SPAG16: variants seen among roughly 807,000 people sequenced by gnomAD.
SPAG16 encodes sperm associated antigen 16.
A neutral mutation model predicts 80.4 loss-of-function variants in SPAG16; 86 were observed. The observed-to-expected ratio is 1.07, with a 90% CI of 0.90 to 1.28. The LOEUF (loss-of-function observed/expected upper bound fraction) is 1.28. Ranked by LOEUF, SPAG16 falls within the 50% of genes most tolerant of loss-of-function variation. The probability of loss-of-function intolerance (pLI) is 0.00; values close to 1 mark genes in which losing one functional copy is unlikely to be tolerated. For missense variants in SPAG16, 870 were observed against 765.3 expected (o/e 1.14, Z -1.61); for synonymous variants, 294 against 265.9 (o/e 1.11, Z -1.03).
intron 10 of SPAG16, among the ~76,000 whole-genome samples, chr2:213,712,312 G>A (rs1024609033): frequency 1.3e-5 from 2 of 152,012 alleles, no homozygotes; most frequent in African/African-American, 4.8e-5. Flanking sequence ...TGAGGGCTAG[G>A]GAAATAATAT....
At chr2:214,067,556 C>A (rs1159675123) in intron 13 of SPAG16, among the ~76,000 whole-genome samples, 2 of 150,718 alleles carry the variant, frequency 1.3e-5, no homozygotes, top group Admixed American at 1.3e-4. Flanking sequence ...CTATTGCGTA[C>A]ACTTATAAAA....
chr2:213,774,924 C>T (rs2069478089), intron 10 of SPAG16, among the ~76,000 whole-genome samples: 1 of 152,154 alleles, frequency 6.6e-6, no homozygotes, highest in South Asian at 2.1e-4. Flanking sequence ...GGAGGGTTTT[C>T]TCATATCTCC....
intron 5 of SPAG16, among the ~76,000 whole-genome samples, chr2:213,331,608 C>T (rs1393536862): frequency 6.6e-6 from 1 of 152,074 alleles, no homozygotes; most frequent in Non-Finnish European, 1.5e-5. Flanking sequence ...TATTTCCATT[C>T]TCAATGATAG....
intron 12 of SPAG16, among the ~76,000 whole-genome samples, chr2:213,974,086 A>G (rs921748368): frequency 1.3e-5 from 2 of 152,120 alleles, no homozygotes; most frequent in East Asian, 1.9e-4. Flanking sequence ...ATAGGGAGAA[A>G]AAGTTTAGCT....
chr2:213,304,706 C>A (rs1459118335), intron 3 of SPAG16, among the ~76,000 whole-genome samples: 3 of 152,002 alleles, frequency 2.0e-5, no homozygotes, highest in African/African-American at 7.2e-5. Context: ...GGATGTGTTT[C>A]TGTGTGCTCT....
In SPAG16 at chr2:213,307,783, G is replaced by C. The variant is rs370060144; in HGVS notation, c.280-2276G>C. Among the ~76,000 whole-genome samples the C allele has an allele frequency of 8.6e-5, 13 of 151,936 alleles. No individual in the cohort carries two copies. In the South Asian group the frequency reaches 1.5e-3, roughly 17 times the overall value. ...CACACTGACTTCCACAATGGTTGAA[G>C]TAGTTTACAGTCCCACCAACAGTGT... On this transcript the variant is annotated intron_variant, in intron 3 of 15. Coordinates refer to ENST00000331683, the MANE Select transcript of SPAG16 (RefSeq NM_024532.5).
intron 15 of SPAG16, among the ~76,000 whole-genome samples, chr2:214,357,434 T>G (rs370141741): frequency 5.5e-4 from 83 of 151,970 alleles, no homozygotes; most frequent in African/African-American, 1.8e-3. Context: ...TTTCTTTTCA[T>G]GTATCTTCTA....
At chr2:213,524,949 CA>C (rs1280215418) in intron 10 of SPAG16, among the ~76,000 whole-genome samples, 1 of 151,998 alleles carries the variant, frequency 6.6e-6, no homozygotes, top group Non-Finnish European at 1.5e-5. Flanking sequence ...TGGGAAGGGT[CA>C]GGGGCAGAAT....
intron 15 of SPAG16, among the ~76,000 whole-genome samples, chr2:214,222,780 G>A (rs1328399291): frequency 6.6e-6 from 1 of 152,134 alleles, no homozygotes; most frequent in Non-Finnish European, 1.5e-5. Context: ...CTATCCCACT[G>A]CACTTTAAAA....
At chr2:213,697,641 C>A (rs74855792) in intron 10 of SPAG16, among the ~76,000 whole-genome samples, 1 of 152,240 alleles carries the variant, frequency 6.6e-6, no homozygotes, top group African/African-American at 2.4e-5. Context: ...TTTTGACCTA[C>A]ATAACTGTAA....
intron 12 of SPAG16, among the ~76,000 whole-genome samples, chr2:213,936,707 A>T (rs1209891423): frequency 6.6e-6 from 1 of 152,194 alleles, no homozygotes; most frequent in Non-Finnish European, 1.5e-5. Flanking sequence ...TTATACTGGG[A>T]CACTAATATA....
chr2:213,286,983 T>C (rs977154269), intron 1 of SPAG16, among the ~76,000 whole-genome samples: 3 of 152,212 alleles, frequency 2.0e-5, no homozygotes, highest in African/African-American at 7.2e-5. Context: ...CCTTTCCCTG[T>C]AATCTCCTAG....
At chr2:213,929,841 A>G (rs2078669288) in intron 11 of SPAG16, 119 bp from the exon 12 acceptor site, 1 of 823,854 alleles carries the variant, frequency 1.2e-6, no homozygotes, top group South Asian at 2.0e-5. Flanking sequence ...TAGATATGCC[A>G]CTACAAGTAA....
At chr2:213,972,313 AAG>A (rs1186679284) in intron 12 of SPAG16, among the ~76,000 whole-genome samples, 3 of 151,562 alleles carry the variant, frequency 2.0e-5, no homozygotes, top group Non-Finnish European at 4.4e-5. Flanking sequence ...AATCTATAAA[AAG>A]AGATTTATTG....
At chr2:213,608,658 G>T (rs562218422) in intron 10 of SPAG16, among the ~76,000 whole-genome samples, 1 of 152,338 alleles carries the variant, frequency 6.6e-6, no homozygotes, top group Non-Finnish European at 1.5e-5. Flanking sequence ...CTTTATAGCA[G>T]CATGATTTAT....
intron 10 of SPAG16, among the ~76,000 whole-genome samples, chr2:213,642,965 C>T (rs1163194974): frequency 1.3e-5 from 2 of 151,468 alleles, no homozygotes; most frequent in Admixed American, 6.6e-5. Flanking sequence ...TTTCCTTGCT[C>T]CTCAGCCTGC....
chr2:213,384,119 A>G (rs2067308767), intron 9 of SPAG16, among the ~76,000 whole-genome samples: 1 of 152,174 alleles, frequency 6.6e-6, no homozygotes, highest in African/African-American at 2.4e-5. Flanking sequence ...TAGAAACTAG[A>G]CTAGGGAATT....
At chr2:213,330,274 A>G (rs2064034602) in intron 5 of SPAG16, among the ~76,000 whole-genome samples, 1 of 152,224 alleles carries the variant, frequency 6.6e-6, no homozygotes, top group Non-Finnish European at 1.5e-5. Flanking sequence ...TGGAAAAGCC[A>G]CAGACACTAA....
rs1392490990 is a variant in SPAG16, at chr2:213,728,051, G to A, written c.1071-134434G>A. ...TTTAGTGGAGACGAGGTTTCACTAC[G>A]TTGGTCAGGCTGGTCTCAAACTCCT... On this transcript the variant is annotated intron_variant, in intron 10 of 15. Transcript: ENST00000331683. 3.3e-5 allele frequency among the ~76,000 whole-genome samples: 5 copies of A among 152,118 alleles called. No homozygotes were observed. In the East Asian group the frequency reaches 7.7e-4, roughly 24 times the overall value.
Sources: gnomAD v4.1 joint callset for allele counts (sites outside exome capture counted in the v4.1 genomes callset) on GRCh38, gnomAD v4.1.1 for gene constraint, MANE v1.5 for transcripts, NCBI Gene and HGNC (gene_info 2026-07-23, HGNC 2026-07-21) for gene names.